The following LDLRAD3 variants were observed in gnomAD, a reference collection of about 807,000 sequenced individuals.
LDLRAD3 encodes the protein low density lipoprotein receptor class A domain containing 3.
Under a neutral mutation model 29.4 loss-of-function variants are expected in LDLRAD3, and 20 were observed. The ratio of observed to expected loss-of-function variants is 0.68; its 90% CI spans 0.48 to 0.99. The LOEUF is 0.99. LDLRAD3 is among the 50% of genes least tolerant of loss of function. LDLRAD3 has a pLI of 0.00. For synonymous variants in LDLRAD3, 157 were observed against 192.7 expected, an observed-to-expected ratio of 0.81 and a Z score of 1.53; for missense variants, 420 against 454.3, an observed-to-expected ratio of 0.92 and a Z score of 0.69.
intron 1 of LDLRAD3, chr11:35,997,418 T>C: frequency 2.4e-6 from 1 of 421,352 alleles, no homozygotes; most frequent in Admixed American, 2.7e-5. Flanking sequence ...TCTTTGTGGT[T>C]CCTTGAGGGC....
Position 36,081,684 on chromosome 11 carries a change from C to T in LDLRAD3, c.225C>T (p.Phe75=). 6.2e-7 allele frequency: 1 copy of T among 1,614,244 alleles called. No homozygotes were observed. The highest frequency in any genetic ancestry group is 8.5e-7 in the Non-Finnish European group (1 of 1,180,048). Residue 75 remains phenylalanine, a synonymous_variant, in exon 3 of 6, where the codon TTC becomes TTT. Coordinates refer to ENST00000315571, the MANE Select transcript of LDLRAD3 (RefSeq NM_174902.4). The part of the protein sequence containing the change: ...PKAKSKCGPT[F]FPCASGIHCI... ...CTAAGTCGAAATGTGGCCCAACCTT[C>T]TTCCCCTGTGCCAGCGGCATCCATT...
chr11:36,178,091 A>T (rs1042307411), intron 4 of LDLRAD3, among the ~76,000 whole-genome samples: 1 of 152,196 alleles, frequency 6.6e-6, no homozygotes, highest in East Asian at 1.9e-4. Context: ...GTGAGTTTCT[A>T]CATGCTGTTC....
At chr11:36,033,704 G>A (rs758028145) in intron 1 of LDLRAD3, among the ~76,000 whole-genome samples, 3 of 152,186 alleles carry the variant, frequency 2.0e-5, no homozygotes, top group Non-Finnish European at 4.4e-5. Flanking sequence ...TTTCTGGGTT[G>A]AGCATTTGTT....
intron 1 of LDLRAD3, among the ~76,000 whole-genome samples, chr11:35,964,591 G>C (rs1237704086): frequency 1.3e-5 from 2 of 152,158 alleles, no homozygotes; most frequent in Non-Finnish European, 2.9e-5. Context: ...ACCAGGGCCT[G>C]GTCTAGGCTG....
chr11:36,001,809 G>T (rs770850171), intron 1 of LDLRAD3, among the ~76,000 whole-genome samples: 4 of 148,578 alleles, frequency 2.7e-5, no homozygotes, highest in Admixed American at 2.7e-4. Flanking sequence ...AATTTGTAAC[G>T]TTCTTTTTAA....
At chr11:36,142,575 GTC>G (rs1854101253) in intron 4 of LDLRAD3, among the ~76,000 whole-genome samples, 1 of 152,128 alleles carries the variant, frequency 6.6e-6, no homozygotes, top group Non-Finnish European at 1.5e-5. Flanking sequence ...TGAACCCACT[GTC>G]TGGTTCCCGC....
At chr11:36,217,604 A>G (rs1163132917) in intron 4 of LDLRAD3, among the ~76,000 whole-genome samples, 1 of 152,234 alleles carries the variant, frequency 6.6e-6, no homozygotes, top group Non-Finnish European at 1.5e-5. Flanking sequence ...GGCTGCCATA[A>G]CAAATGACCA....
chr11:36,227,143 C>T lies in LDLRAD3; in HGVS notation c.513C>T (p.Ser171=). The T allele has an allele frequency of 6.2e-7, 1 of 1,613,480 alleles. No individual in the cohort carries two copies. Among genetic ancestry groups the T allele is most frequent in the Non-Finnish European group, 8.5e-7 (1 of 1,179,612 alleles). ...AGAACCAACTTGTGTATTACCCCAG[C>T]ATCACCTATGCCATCATCGGCAGCT... is the stretch of plus-strand genomic sequence containing the variant. ...TSENQLVYYP[S]ITYAIIGSSV... The change falls in exon 5 of 6, where the codon AGC becomes AGT. Residue 171 remains serine, a synonymous_variant. Coordinates refer to ENST00000315571, the MANE Select transcript of LDLRAD3 (RefSeq NM_174902.4).
intron 1 of LDLRAD3, 61 bp from the exon 2 acceptor site, chr11:36,036,042 T>G (rs1446143295): frequency 1.3e-6 from 2 of 1,553,604 alleles, no homozygotes; most frequent in Non-Finnish European, 1.8e-6. Flanking sequence ...ACCTTTCAGT[T>G]GAGGGGCGCT....
intron 4 of LDLRAD3, among the ~76,000 whole-genome samples, chr11:36,145,540 A>G (rs1342303195): frequency 1.3e-5 from 2 of 148,438 alleles, no homozygotes; most frequent in Admixed American, 6.7e-5. Context: ...CCATGATGAC[A>G]ATGGCGGTTT....
chr11:35,999,175 T>C (rs1200338473), intron 1 of LDLRAD3, among the ~76,000 whole-genome samples: 1 of 152,156 alleles, frequency 6.6e-6, no homozygotes, highest in Non-Finnish European at 1.5e-5. Flanking sequence ...GCAGAATGTG[T>C]GTGTTCATGG....
chr11:36,227,034 T>C, intron 4 of LDLRAD3, 51 bp from the exon 5 acceptor site: 1 of 1,400,458 alleles, frequency 7.1e-7, no homozygotes, highest in South Asian at 1.4e-5. Flanking sequence ...ACACAAAGAT[T>C]AGCCAAACTG....
intron 3 of LDLRAD3, among the ~76,000 whole-genome samples, chr11:36,083,669 AAGTG>A (rs1247695199): frequency 6.6e-6 from 1 of 150,808 alleles, no homozygotes; most frequent in Non-Finnish European, 1.5e-5. Context: ...ATCCTTTAGT[AAGTG>A]AGTATCAGCT....
chr11:36,229,629 G>GATACGGC lies in LDLRAD3; in HGVS notation c.*232_*233insATACGGC. 1 of 479,524 alleles carries GATACGGC rather than the reference G, an allele frequency of 2.1e-6. No homozygotes were observed. Among genetic ancestry groups the GATACGGC allele is most frequent in the Non-Finnish European group, 3.7e-6 (1 of 271,146 alleles). 29.7% of individuals were successfully genotyped at this position (479,524 alleles called of 1,614,324 possible). A position where few individuals can be genotyped will look rare whatever the true frequency, so the allele number is the denominator to read the frequency against. ...TTTTCTGTCAGGTCACTCTTCCCTT[G>GATACGGC]GGACCCGAGATCACACCCTCATTTT... On this transcript the variant is annotated 3_prime_UTR_variant, in exon 6 of 6. Transcript: ENST00000315571.
intron 1 of LDLRAD3, among the ~76,000 whole-genome samples, chr11:35,986,588 G>A (rs1851617416): frequency 6.6e-6 from 1 of 152,202 alleles, no homozygotes; most frequent in Non-Finnish European, 1.5e-5. Flanking sequence ...GCAGTAGTGG[G>A]CGAGGGCTCT....
At chr11:35,967,343 AGCTCCTGAGGAAT>A (rs1262408953) in intron 1 of LDLRAD3, 2 of 218,068 alleles carry the variant, frequency 9.2e-6, no homozygotes, top group African/African-American at 2.4e-5. Context: ...GTCTTCTGAG[AGCTCCTGAGGAAT>A]GTCTGGGAAG....
At chr11:36,229,105 G>C in intron 5 of LDLRAD3, 55 bp from the exon 6 acceptor site, 1 of 1,264,706 alleles carries the variant, frequency 7.9e-7, no homozygotes, top group Non-Finnish European at 1.2e-6. Context: ...GCCCTAATGT[G>C]TTCTCTTCTC....
At position 36,101,319 on chromosome 11, in the gene LDLRAD3, C is replaced by T. The variant is rs181975277; in HGVS notation, c.454+2858C>T. 5.1e-4 allele frequency among the ~76,000 whole-genome samples: 78 copies of T among 152,286 alleles called. No individual in the cohort carries two copies. In the East Asian group the frequency reaches 0.014, roughly 27 times the overall value. Reference sequence around the variant, plus strand: ...TGCCTCTCAAATCCTGCCGAACCTACGTGGTGGCATTGTGCTCTGTACATA... The same window carrying T: ...TGCCTCTCAAATCCTGCCGAACCTATGTGGTGGCATTGTGCTCTGTACATA... On this transcript the variant is annotated intron_variant, in intron 4 of 5. Coordinates refer to ENST00000315571, the MANE Select transcript of LDLRAD3 (RefSeq NM_174902.4).
At chr11:36,203,683 A>G (rs934702721) in intron 4 of LDLRAD3, among the ~76,000 whole-genome samples, 9 of 152,192 alleles carry the variant, frequency 5.9e-5, no homozygotes, top group Admixed American at 3.9e-4. Context: ...CACAGCAAAG[A>G]GTTAAAGAAG....
Sources: gnomAD v4.1 joint callset for allele counts (sites outside exome capture counted in the v4.1 genomes callset) on GRCh38, gnomAD v4.1.1 for gene constraint, MANE v1.5 for transcripts, NCBI Gene and HGNC (gene_info 2026-07-23, HGNC 2026-07-21) for gene names.